CDH20: variants seen among roughly 807,000 people sequenced by gnomAD.
CDH20 encodes the protein cadherin-20.
A neutral mutation model predicts 74.2 loss-of-function variants in CDH20; 29 were observed. That is an observed-to-expected ratio of 0.39 (90% CI 0.29 to 0.53). The LOEUF (loss-of-function observed/expected upper bound fraction) is 0.53. Ranked by LOEUF, CDH20 falls within the 20% of genes least tolerant of loss-of-function variation. The probability of loss-of-function intolerance (pLI) is 0.69; values close to 1 mark genes in which losing one functional copy is unlikely to be tolerated. For missense variants in CDH20, 988 were observed against 1,048.3 expected (o/e 0.94, Z 0.79); for synonymous variants, 469 against 405.4 (o/e 1.16, Z -1.88).
intron 1 of CDH20, among the ~76,000 whole-genome samples, chr18:61,471,663 A>T (rs532570156): frequency 6.6e-6 from 1 of 152,332 alleles, no homozygotes; most frequent in East Asian, 1.9e-4. Context: ...ACATACTATA[A>T]AATTGTTGGA....
chr18:61,482,291 C>A (rs931810912), intron 1 of CDH20, among the ~76,000 whole-genome samples: 1 of 152,150 alleles, frequency 6.6e-6, no homozygotes, highest in African/African-American at 2.4e-5. Flanking sequence ...AAATTTATCA[C>A]GTTGGCTCTA....
chr18:61,371,364 C>T (rs1412343386), intron 1 of CDH20, among the ~76,000 whole-genome samples: 1 of 151,948 alleles, frequency 6.6e-6, no homozygotes, highest in Non-Finnish European at 1.5e-5. Flanking sequence ...CTTGAATTGT[C>T]CCTTGTTATA....
At chr18:61,429,721 T>A (rs545302975) in intron 1 of CDH20, among the ~76,000 whole-genome samples, 67 of 152,224 alleles carry the variant, frequency 4.4e-4, no homozygotes, top group Non-Finnish European at 8.7e-4. Context: ...CCTCGGCAAT[T>A]CTCTCTAATT....
intron 1 of CDH20, among the ~76,000 whole-genome samples, chr18:61,411,281 A>C (rs536972597): frequency 1.0e-3 from 157 of 152,206 alleles, no homozygotes; most frequent in African/African-American, 3.6e-3. Context: ...TGTGGTGAAA[A>C]GGGAACACTT....
chr18:61,536,323 A>T (rs912829600), intron 7 of CDH20, among the ~76,000 whole-genome samples, 170 bp from the exon 8 acceptor site: 9 of 152,124 alleles, frequency 5.9e-5, no homozygotes, highest in African/African-American at 2.2e-4. Flanking sequence ...TTGGAGGAGG[A>T]GGTGACTTTT....
chr18:61,548,699 C>T (rs141917577), intron 10 of CDH20, among the ~76,000 whole-genome samples: 2,077 of 152,332 alleles, frequency 0.014, 20 homozygotes, highest in Non-Finnish European at 0.022. Context: ...CGTCCCAGGC[C>T]GCCCCGCTCT....
intron 1 of CDH20, among the ~76,000 whole-genome samples, chr18:61,365,368 C>G (rs1910823285): frequency 6.6e-6 from 1 of 152,148 alleles, no homozygotes. Context: ...ATTAAATGGT[C>G]CCAGATGCTA....
intron 6 of CDH20, among the ~76,000 whole-genome samples, chr18:61,517,227 C>G (rs1490504471): frequency 6.6e-6 from 1 of 152,150 alleles, no homozygotes; most frequent in Non-Finnish European, 1.5e-5. Context: ...AGAATCCCAA[C>G]CTACCAAAGA....
At chr18:61,343,603 C>T (rs941068155) in intron 1 of CDH20, among the ~76,000 whole-genome samples, 1 of 152,138 alleles carries the variant, frequency 6.6e-6, no homozygotes, top group African/African-American at 2.4e-5. Flanking sequence ...CCACTCATCA[C>T]ACTGTACCTG....
At chr18:61,507,642 G>T in intron 6 of CDH20, 82 bp downstream of exon 6, 3 of 920,166 alleles carry the variant, frequency 3.3e-6, no homozygotes, top group South Asian at 2.1e-5. Flanking sequence ...TTGTATTATT[G>T]ATATGCATTG....
At chr18:61,386,024 T>A (rs1309346113) in intron 1 of CDH20, among the ~76,000 whole-genome samples, 1 of 151,922 alleles carries the variant, frequency 6.6e-6, no homozygotes, top group Non-Finnish European at 1.5e-5. Flanking sequence ...TTGAGTGTAA[T>A]CTTAAAAAAT....
intron 1 of CDH20, among the ~76,000 whole-genome samples, chr18:61,355,673 TATAAAC>T (rs1910474460): frequency 6.6e-6 from 1 of 151,916 alleles, no homozygotes; most frequent in South Asian, 2.1e-4. Flanking sequence ...AACAAGTAAA[TATAAAC>T]AAAAACAAGT....
intron 1 of CDH20, among the ~76,000 whole-genome samples, chr18:61,447,223 G>T (rs957808688): frequency 1.3e-5 from 2 of 152,204 alleles, no homozygotes; most frequent in African/African-American, 4.8e-5. Flanking sequence ...ATTTATTGAT[G>T]ATGAGATGCC....
At chr18:61,370,814 C>G (rs142795121) in intron 1 of CDH20, among the ~76,000 whole-genome samples, 7 of 152,158 alleles carry the variant, frequency 4.6e-5, no homozygotes, top group African/African-American at 1.7e-4. Flanking sequence ...AATATTGGCT[C>G]TTTCAATAAT....
chr18:61,511,437 G>A (rs1468130720), intron 6 of CDH20, among the ~76,000 whole-genome samples: 1 of 152,050 alleles, frequency 6.6e-6, no homozygotes, highest in Admixed American at 6.5e-5. Context: ...TCCTGCCTCA[G>A]CCTCCCAAAG....
chr18:61,447,025 G>T (rs893295994), intron 1 of CDH20, among the ~76,000 whole-genome samples: 1 of 152,210 alleles, frequency 6.6e-6, no homozygotes, highest in African/African-American at 2.4e-5. Context: ...CACTGGGATT[G>T]TGATTCAAGG....
rs144589323 is a variant in CDH20, at chr18:61,433,964, G to A, written c.-152-56438G>A. Among the ~76,000 whole-genome samples, 716 of 152,216 alleles carry A rather than the reference G, an allele frequency of 4.7e-3. 11 individuals carry two copies. Among genetic ancestry groups the A allele is most frequent in the South Asian group, 0.022 (106 of 4,812 alleles). On this transcript the variant is annotated intron_variant, in intron 1 of 11. Transcript: ENST00000262717. ...AACACAGAGAAGGTATTGAGTTCATGGGTGTTTGACCAGATTTTCCCTGAA... is the reference window on the plus strand; with the variant it reads ...AACACAGAGAAGGTATTGAGTTCATAGGTGTTTGACCAGATTTTCCCTGAA...
chr18:61,522,082 G>A (rs1033549940), intron 6 of CDH20, among the ~76,000 whole-genome samples: 1 of 152,178 alleles, frequency 6.6e-6, no homozygotes, highest in African/African-American at 2.4e-5. Flanking sequence ...AATTGGGCAA[G>A]ATAAAGAAAT....
At chr18:61,468,401 T>C (rs1438809551) in intron 1 of CDH20, among the ~76,000 whole-genome samples, 1 of 152,132 alleles carries the variant, frequency 6.6e-6, no homozygotes, top group Admixed American at 6.5e-5. Flanking sequence ...TCCCTTTTCA[T>C]TTCTGTCTGT....
Sources: allele counts gnomAD v4.1 joint callset (sites outside exome capture counted in the v4.1 genomes callset), GRCh38; gene constraint gnomAD v4.1.1; transcripts MANE v1.5; gene names NCBI Gene and HGNC (gene_info 2026-07-23, HGNC 2026-07-21).